Variants in C10orf67 observed in about 807,000 individuals in gnomAD.
The protein encoded by C10orf67 is uncharacterized protein C10orf67, mitochondrial.
A neutral mutation model predicts 35.6 loss-of-function variants in C10orf67; 60 were observed. The observed-to-expected ratio is 1.68, with a 90% CI of 1.37 to 2.09. The LOEUF (loss-of-function observed/expected upper bound fraction) is 2.09. C10orf67 is among the 30% of genes most tolerant of loss of function. The pLI is 0.00. For missense variants in C10orf67, 474 were observed against 330.2 expected, an observed-to-expected ratio of 1.44 and a Z score of -3.38; for synonymous variants, 167 against 115.8, an observed-to-expected ratio of 1.44 and a Z score of -2.84.
At chr10:23,329,448 C>T (rs560182118) in intron 2 of C10orf67, among the ~76,000 whole-genome samples, 1 of 152,070 alleles carries the variant, frequency 6.6e-6, no homozygotes, top group Admixed American at 6.5e-5. Flanking sequence ...GTTTTACATG[C>T]CAGTTCTAAC....
At chr10:23,236,268 A>G (rs1281011635) in intron 13 of C10orf67, among the ~76,000 whole-genome samples, 1 of 143,964 alleles carries the variant, frequency 6.9e-6, no homozygotes, top group East Asian at 2.2e-4. Context: ...AAAAAAAAAA[A>G]AAAAAAAAAA....
chr10:23,236,553 C>T (rs527590463), intron 13 of C10orf67, among the ~76,000 whole-genome samples: 100 of 152,160 alleles, frequency 6.6e-4, no homozygotes, highest in Admixed American at 1.2e-3. Flanking sequence ...GATGCAGTCA[C>T]TTTGGAGTAC....
intron 8 of C10orf67, among the ~76,000 whole-genome samples, chr10:23,269,599 CT>C (rs1842966673): frequency 6.6e-6 from 1 of 152,032 alleles, no homozygotes; most frequent in South Asian, 2.1e-4. Context: ...GCAGAAATGG[CT>C]AGGATGTATT....
chr10:23,241,263 T>C (rs746285445), intron 12 of C10orf67, among the ~76,000 whole-genome samples: 19 of 152,382 alleles, frequency 1.2e-4, no homozygotes, highest in Non-Finnish European at 1.9e-4. Flanking sequence ...GCAAGTAATC[T>C]ATAATTTCAC....
intron 1 of C10orf67, chr10:23,344,148 G>A (rs1290727263): frequency 6.5e-6 from 1 of 152,946 alleles, no homozygotes; most frequent in Non-Finnish European, 1.3e-5. Context: ...GCGAGTGGAG[G>A]GGGGTGGGGA....
chr10:23,316,591 T>C, intron 4 of C10orf67: 1 of 152,124 alleles, frequency 6.6e-6, no homozygotes, highest in East Asian at 1.9e-4. Context: ...GGAGGGTGAG[T>C]AAGGCAAAGA....
chr10:23,219,583 A>T (rs1183240271), intron 15 of C10orf67, among the ~76,000 whole-genome samples: 1 of 152,200 alleles, frequency 6.6e-6, no homozygotes, highest in East Asian at 1.9e-4. Context: ...TGCAGATAGT[A>T]TTGTACCTCA....
At chr10:23,247,086 A>G (rs981653169) in intron 12 of C10orf67, among the ~76,000 whole-genome samples, 1 of 152,242 alleles carries the variant, frequency 6.6e-6, no homozygotes, top group Non-Finnish European at 1.5e-5. Flanking sequence ...ATAAAGTAAA[A>G]AAATCACAGT....
At chr10:23,221,824 G>T (rs1841588981) in intron 15 of C10orf67, among the ~76,000 whole-genome samples, 1 of 152,140 alleles carries the variant, frequency 6.6e-6, no homozygotes, top group African/African-American at 2.4e-5. Flanking sequence ...TTTATTTCTA[G>T]TAAATTTTGG....
intron 15 of C10orf67, among the ~76,000 whole-genome samples, chr10:23,222,921 T>C (rs1355293646): frequency 6.6e-6 from 1 of 152,118 alleles, no homozygotes; most frequent in Non-Finnish European, 1.5e-5. Flanking sequence ...AGTGCTGGAA[T>C]TACAGGTGTG....
intron 4 of C10orf67, among the ~76,000 whole-genome samples, chr10:23,311,256 T>G (rs905645560): frequency 6.6e-6 from 1 of 152,218 alleles, no homozygotes; most frequent in Admixed American, 6.5e-5. Context: ...TACCCTTTAG[T>G]TTAAATCCCA....
intron 13 of C10orf67, among the ~76,000 whole-genome samples, chr10:23,236,565 G>A (rs1178399818): frequency 1.3e-5 from 2 of 152,054 alleles, no homozygotes; most frequent in Non-Finnish European, 2.9e-5. Context: ...TTGGAGTACT[G>A]GCAATTTTGT....
intron 10 of C10orf67, among the ~76,000 whole-genome samples, chr10:23,251,627 G>C (rs1413566482): frequency 6.6e-6 from 1 of 152,132 alleles, no homozygotes; most frequent in Non-Finnish European, 1.5e-5. Flanking sequence ...TCTTCATAAG[G>C]CTAATTCTCA....
Position 23,282,990 on chromosome 10 carries a change from T to A in C10orf67, c.910-912A>T, listed in dbSNP as rs552609234. Reference sequence around the variant, plus strand: ...ACGGCTAGGAAGAATGAATAAGACCTAGTATTTGATAGCACAACAGGGTGA... The same window carrying A: ...ACGGCTAGGAAGAATGAATAAGACCAAGTATTTGATAGCACAACAGGGTGA... On this transcript the variant is annotated intron_variant, in intron 7 of 15. Coordinates refer to ENST00000636213, the MANE Select transcript of C10orf67 (RefSeq NM_001371909.1). Among the ~76,000 whole-genome samples, 5 of 152,024 alleles carry A rather than the reference T, an allele frequency of 3.3e-5. No homozygotes were observed. The South Asian group carries it at 1.0e-3, about 32-fold the overall frequency.
intron 5 of C10orf67, among the ~76,000 whole-genome samples, chr10:23,292,294 T>G (rs1843746107): frequency 6.6e-6 from 1 of 151,542 alleles, no homozygotes; most frequent in African/African-American, 2.4e-5. Flanking sequence ...TCTAATGGAT[T>G]GGGGAAGCTG....
At chr10:23,339,960 C>T (rs964180933) in intron 1 of C10orf67, among the ~76,000 whole-genome samples, 11 of 152,130 alleles carry the variant, frequency 7.2e-5, no homozygotes, top group African/African-American at 2.2e-4. Flanking sequence ...TTCACTTTTC[C>T]AGTCTAGAAA....
chr10:23,274,812 A>G (rs1281981094), intron 8 of C10orf67, among the ~76,000 whole-genome samples: 1 of 152,208 alleles, frequency 6.6e-6, no homozygotes, highest in Non-Finnish European at 1.5e-5. Context: ...AGGAAATTAT[A>G]AAAGTATTAA....
At chr10:23,257,759 C>T (rs999847510) in intron 10 of C10orf67, among the ~76,000 whole-genome samples, 7 of 151,350 alleles carry the variant, frequency 4.6e-5, no homozygotes, top group African/African-American at 1.5e-4. Flanking sequence ...GCTGAGATCA[C>T]AGCACTGCAC....
chr10:23,332,964 T>A (rs1845540725), intron 2 of C10orf67, 98 bp downstream of exon 2: 8 of 1,255,502 alleles, frequency 6.4e-6, no homozygotes, highest in Non-Finnish European at 7.7e-6. Flanking sequence ...GCTAACATTT[T>A]AAAAATTTTA....
Sources: allele counts gnomAD v4.1 joint callset (sites outside exome capture counted in the v4.1 genomes callset), GRCh38; gene constraint gnomAD v4.1.1; transcripts MANE v1.5; gene names NCBI Gene and HGNC (gene_info 2026-07-23, HGNC 2026-07-21).